SYNE1: variants seen among roughly 807,000 people sequenced by gnomAD.
The protein encoded by SYNE1 is nesprin-1.
In SYNE1, 616 loss-of-function variants were observed where a neutral mutation model predicts 1,111.0. That is an observed-to-expected ratio of 0.55 (90% CI 0.52 to 0.59). The LOEUF is 0.59. SYNE1 is among the 20% of genes least tolerant of loss of function. SYNE1 has a pLI of 0.00. For missense variants in SYNE1, 10,006 were observed against 10,417.0 expected (o/e 0.96, Z 1.72); for synonymous variants, 3,855 against 3,825.8 (o/e 1.01, Z -0.28).
At chr6:152,305,263 GTAT>G (rs1167996951) in intron 91 of SYNE1, among the ~76,000 whole-genome samples, 1 of 152,126 alleles carries the variant, frequency 6.6e-6, no homozygotes, top group East Asian at 1.9e-4. Flanking sequence ...TTTTGAAAAA[GTAT>G]TATTATTATT....
chr6:152,312,390 G>T (rs2095582303), intron 87 of SYNE1, among the ~76,000 whole-genome samples: 1 of 150,614 alleles, frequency 6.6e-6, no homozygotes, highest in African/African-American at 2.4e-5. Context: ...TGTATTTTTA[G>T]TAGAGACGGG....
At chr6:152,308,166 G>A (rs558343558) in intron 91 of SYNE1, among the ~76,000 whole-genome samples, 3 of 152,162 alleles carry the variant, frequency 2.0e-5, no homozygotes, top group South Asian at 4.2e-4. Context: ...GCTGTTTCTC[G>A]TAGGCATTAA....
chr6:152,295,417 C>T (rs551803588), intron 93 of SYNE1, among the ~76,000 whole-genome samples: 19 of 152,268 alleles, frequency 1.2e-4, no homozygotes, highest in African/African-American at 3.9e-4. Context: ...TCCTCACTCA[C>T]TCCCACCCCA....
In SYNE1 at chr6:152,269,265, C is replaced by T. The variant is rs886044043; in HGVS notation, c.18595G>A (p.Glu6199Lys). 1 of 1,614,160 alleles carries T rather than the reference C, an allele frequency of 6.2e-7. No individual in the cohort carries two copies. The highest frequency in any genetic ancestry group is 8.5e-7 in the Non-Finnish European group (1 of 1,180,040). The change falls in exon 99 of 146, where the codon GAG (glutamate) becomes AAG (lysine). Residue 6199 changes from glutamate (E) to lysine (K), a missense_variant. Glu to Lys is a moderately conservative substitution (Grantham distance 56). This residue lies in a region of SYNE1 where 2,182 missense variants were observed against 2,287.8 expected (regional missense o/e 0.95). Transcript: ENST00000367255. ...NMQGTAQEKE[E>K]SDVDLTATQS... ...GTGGCTGTTAGGTCAACATCGCTCTCCTCCTTCTCCTGTGCTGTTCCCTGC... is the reference window on the plus strand; with the variant it reads ...GTGGCTGTTAGGTCAACATCGCTCTTCTCCTTCTCCTGTGCTGTTCCCTGC...
intron 36 of SYNE1, among the ~76,000 whole-genome samples, chr6:152,429,086 G>GTAATAATAATAATAATAA (rs3046242): frequency 6.9e-6 from 1 of 144,688 alleles, no homozygotes; most frequent in Admixed American, 6.9e-5. Flanking sequence ...TATCTCAATA[G>GTAATAATAATAATAATAA]TAATAATAAT....
intron 14 of SYNE1, among the ~76,000 whole-genome samples, chr6:152,474,370 C>T (rs1017445491): frequency 6.6e-6 from 1 of 152,100 alleles, no homozygotes; most frequent in African/African-American, 2.4e-5. Flanking sequence ...AAAACTAGAT[C>T]ACAGACCTGT....
chr6:152,208,279 A>G, intron 124 of SYNE1, 73 bp from the exon 125 acceptor site: 1 of 1,316,772 alleles, frequency 7.6e-7, no homozygotes, highest in Non-Finnish European at 1.1e-6. Context: ...GCCAATGTAT[A>G]CACTGTCAAC....
At chr6:152,498,176 A>G (rs2099010043) in intron 11 of SYNE1, among the ~76,000 whole-genome samples, 1 of 152,240 alleles carries the variant, frequency 6.6e-6, no homozygotes, top group African/African-American at 2.4e-5. Flanking sequence ...AAGCTGAAAT[A>G]TGGGACATGC....
intron 127 of SYNE1, among the ~76,000 whole-genome samples, chr6:152,192,252 G>A (rs1180636823): frequency 6.6e-6 from 1 of 152,100 alleles, no homozygotes; most frequent in Non-Finnish European, 1.5e-5. Flanking sequence ...GTAAATATCT[G>A]TTAGGTCCAT....
intron 11 of SYNE1, 77 bp downstream of exon 11, chr6:152,498,665 G>T: frequency 1.0e-6 from 1 of 996,628 alleles, no homozygotes; most frequent in Admixed American, 2.3e-5. Context: ...ACAAAAACAT[G>T]CAAGGGAATG....
At position 152,132,148 on chromosome 6, in the gene SYNE1, T is replaced by G; in HGVS notation, c.26068A>C (p.Arg8690=). The stretch of plus-strand genomic sequence containing the variant: ...GTTTTCTGTCTGTTTGGGGTGCTCC[T>G]TCCTGATGTGGGACTCACAGACCCT... ...TSGSVSPTSG[R]STPNRQKTPR... The change falls in exon 144 of 146, where the codon AGG becomes CGG. Residue 8690 remains arginine, a synonymous_variant. Coordinates refer to ENST00000367255, the MANE Select transcript of SYNE1 (RefSeq NM_182961.4). The G allele has an allele frequency of 6.2e-7, 1 of 1,614,142 alleles. No individual in the cohort carries two copies. Among genetic ancestry groups the G allele is most frequent in the Non-Finnish European group, 8.5e-7 (1 of 1,179,986 alleles).
chr6:152,223,479 G>A (rs1190696632), intron 117 of SYNE1, among the ~76,000 whole-genome samples: 1 of 152,104 alleles, frequency 6.6e-6, no homozygotes, highest in African/African-American at 2.4e-5. Context: ...AATTAGCCAG[G>A]CATGGAGGCA....
chr6:152,526,781 T>C (rs1594710393), intron 4 of SYNE1, among the ~76,000 whole-genome samples: 2 of 152,310 alleles, frequency 1.3e-5, no homozygotes, highest in South Asian at 2.1e-4. Flanking sequence ...TCTTTCAGTG[T>C]GGCATTGAAC....
At chr6:152,166,896 G>A (rs529609807) in intron 130 of SYNE1, among the ~76,000 whole-genome samples, 2 of 152,106 alleles carry the variant, frequency 1.3e-5, no homozygotes, top group South Asian at 4.2e-4. Flanking sequence ...TGCAGGACAG[G>A]GATCATTCTT....
At position 152,325,225 on chromosome 6, in the gene SYNE1, G is replaced by T. The variant is rs777234795; in HGVS notation, c.15516C>A (p.Thr5172=). Residue 5172 remains threonine, a synonymous_variant, in exon 81 of 146, where the codon ACC becomes ACA. Transcript: ENST00000367255. ...GGGTGGCTTTGCTGGCATCATTTCC[G>T]GTTTTCTCCAGTTGTGAAGCTTTTT... ...LEEKASQLEK[T]GNDASKATLS... 4.3e-6 allele frequency: 7 copies of T among 1,614,090 alleles called. No individual in the cohort carries two copies. Among genetic ancestry groups the T allele is most frequent in the Non-Finnish European group, 5.9e-6 (7 of 1,180,026 alleles).
chr6:152,225,295 ACACACACG>A (rs1248459064), intron 116 of SYNE1, among the ~76,000 whole-genome samples: 1 of 123,130 alleles, frequency 8.1e-6, no homozygotes, highest in Non-Finnish European at 1.7e-5. Flanking sequence ...ACACACACAC[ACACACACG>A]CACACACACA....
intron 93 of SYNE1, among the ~76,000 whole-genome samples, chr6:152,298,912 T>G (rs750627699): frequency 1.3e-5 from 2 of 152,204 alleles, no homozygotes; most frequent in Non-Finnish European, 2.9e-5. Context: ...TAAAGGCATT[T>G]TCCCCTACTT....
chr6:152,551,084 C>T (rs1220198979), intron 3 of SYNE1, among the ~76,000 whole-genome samples: 1 of 152,204 alleles, frequency 6.6e-6, no homozygotes, highest in Admixed American at 6.5e-5. Flanking sequence ...TTTTTCCTGA[C>T]ACCTTTTCCT....
At chr6:152,251,800 G>A (rs2089372540) in intron 104 of SYNE1, among the ~76,000 whole-genome samples, 1 of 152,028 alleles carries the variant, frequency 6.6e-6, no homozygotes, top group Non-Finnish European at 1.5e-5. Flanking sequence ...GCAAAGAATT[G>A]AACTATTTTT....
Sources: allele counts gnomAD v4.1 joint callset (sites outside exome capture counted in the v4.1 genomes callset), GRCh38; gene constraint gnomAD v4.1.1; regional missense constraint gnomAD v4.1.1; transcripts MANE v1.5; gene names NCBI Gene and HGNC (gene_info 2026-07-23, HGNC 2026-07-21).